The following RGS6 variants were observed in gnomAD, a reference collection of about 807,000 sequenced individuals.
RGS6 encodes regulator of G-protein signaling 6.
RGS6 carries 30 observed loss-of-function variants against 78.5 expected under a neutral mutation model. The observed-to-expected ratio is 0.38, with a 90% CI of 0.29 to 0.52. The LOEUF is 0.52. Among genes scored for constraint, RGS6 ranks in the 20% least tolerant of loss-of-function variants. RGS6 has a pLI of 0.85. For synonymous variants in RGS6, 206 were observed against 206.0 expected, an observed-to-expected ratio of 1.00 and a Z score of 0.00; for missense variants, 495 against 609.7, an observed-to-expected ratio of 0.81 and a Z score of 1.98.
chr14:72,243,791 T>C (rs1378696431), intron 2 of RGS6, among the ~76,000 whole-genome samples: 1 of 152,094 alleles, frequency 6.6e-6, no homozygotes, highest in Non-Finnish European at 1.5e-5. Context: ...CCTGTATCTG[T>C]TGTCACTGAT....
chr14:72,469,664 G>A (rs192292504), intron 7 of RGS6: 3 of 182,770 alleles, frequency 1.6e-5, no homozygotes, highest in East Asian at 3.0e-4. Flanking sequence ...GCAAAGACTC[G>A]TTAATTCCCC....
At position 71,992,439 on chromosome 14, in the gene RGS6, T is replaced by C. The variant is rs1442180859; in HGVS notation, c.84+27564T>C. 3.3e-5 allele frequency among the ~76,000 whole-genome samples: 5 copies of C among 152,342 alleles called. No individual in the cohort carries two copies. In the East Asian group the frequency reaches 9.6e-4, roughly 29 times the overall value. ...GTTGTTTGAGGCCTTACTCTGCGCT[T>C]GCAACATTGCTTCGTTTGTTCTATT... On this transcript the variant is annotated intron_variant, in intron 2 of 17. Coordinates refer to ENST00000553525, the MANE Select transcript of RGS6 (RefSeq NM_001204424.2).
rs148451371 is a variant in RGS6 at position 72,091,731 on chromosome 14, C to T, written c.84+126856C>T. Among the ~76,000 whole-genome samples the T allele has an allele frequency of 3.2e-3, 483 of 152,196 alleles. 4 individuals carry two copies. Among genetic ancestry groups the T allele is most frequent in the East Asian group, 0.012 (64 of 5,160 alleles). ...AGGTGGAGAGTGGAAGGGGCCAAGC[C>T]GGTTCTAAATCGTTTTCTGCAGGCT... On this transcript the variant is annotated intron_variant, in intron 2 of 17. Coordinates refer to ENST00000553525, the MANE Select transcript of RGS6 (RefSeq NM_001204424.2).
intron 10 of RGS6, among the ~76,000 whole-genome samples, chr14:72,476,375 C>T (rs2096243927): frequency 6.6e-6 from 1 of 152,168 alleles, no homozygotes. Context: ...TTTCCAAACC[C>T]ACCCACAAAG....
the RGS6 span, among the ~76,000 whole-genome samples, chr14:72,588,896 G>A: frequency 0.39 from 59,548 of 151,918 alleles, 12,199 homozygotes; most frequent in East Asian, 0.76. Flanking sequence ...TGTCCCAGGT[G>A]CCCCGTCAAG....
intron 15 of RGS6, among the ~76,000 whole-genome samples, chr14:72,527,763 C>T (rs2097136255): frequency 6.6e-6 from 1 of 152,298 alleles, no homozygotes; most frequent in South Asian, 2.1e-4. Flanking sequence ...AGTTCCTTGT[C>T]CATCACCCCA....
intron 2 of RGS6, among the ~76,000 whole-genome samples, chr14:72,243,370 C>T (rs868116109): frequency 6.6e-6 from 1 of 152,136 alleles, no homozygotes; most frequent in Admixed American, 6.5e-5. Context: ...TGTCGCCACC[C>T]TTGATTTGAA....
Position 72,116,690 on chromosome 14 carries a change from G to A in RGS6, c.84+151815G>A, listed in dbSNP as rs545218137. On this transcript the variant is annotated intron_variant, in intron 2 of 17. Transcript: ENST00000553525. ...CTTAAGAATATAAAGTAGGCTGGGT[G>A]CAGTGGCTCATGCCTGTAACCCTAG... Among the ~76,000 whole-genome samples the A allele has an allele frequency of 2.6e-5, 4 of 152,174 alleles. No homozygotes were observed. The South Asian group carries it at 8.3e-4, about 32-fold the overall frequency.
At chr14:71,986,701 A>G (rs148590838) in intron 2 of RGS6, among the ~76,000 whole-genome samples, 21 of 152,240 alleles carry the variant, frequency 1.4e-4, no homozygotes, top group African/African-American at 4.3e-4. Context: ...ACAGAGTGAG[A>G]CCCTGTCTCA....
intron 2 of RGS6, among the ~76,000 whole-genome samples, chr14:72,327,261 G>T (rs2074011505): frequency 6.6e-6 from 1 of 152,018 alleles, no homozygotes. Context: ...GTGACCTAGA[G>T]CAAACTGCAG....
In RGS6 at chr14:72,415,608, A is replaced by G. The variant is rs570002223; in HGVS notation, c.185-38920A>G. Among the ~76,000 whole-genome samples, 8 of 152,268 alleles carry G rather than the reference A, an allele frequency of 5.3e-5. No individual in the cohort carries two copies. The South Asian group carries it at 1.7e-3, about 32-fold the overall frequency. On this transcript the variant is annotated intron_variant, in intron 3 of 17. Coordinates refer to ENST00000553525, the MANE Select transcript of RGS6 (RefSeq NM_001204424.2). ...CCGGTACCTCAGTTGGAAATGCACA[A>G]ATCACCCATCTTCTGCGCTGGTCAT...
chr14:72,334,352 C>T (rs765221), intron 2 of RGS6, among the ~76,000 whole-genome samples: 44,308 of 152,076 alleles, frequency 0.29, 6,634 homozygotes, highest in South Asian at 0.39. Flanking sequence ...TCTCGTTTGA[C>T]GCCTACAAAA....
chr14:72,454,004 ATG>A, intron 3 of RGS6, among the ~76,000 whole-genome samples: 1 of 152,378 alleles, frequency 6.6e-6, no homozygotes, highest in African/African-American at 2.4e-5. Context: ...GAGGCTGGAA[ATG>A]TAATCTAGCT....
At chr14:71,936,621 A>T (rs1005297747) in intron 1 of RGS6, among the ~76,000 whole-genome samples, 2 of 152,226 alleles carry the variant, frequency 1.3e-5, no homozygotes, top group Non-Finnish European at 2.9e-5. Context: ...ACATAATACA[A>T]CTATCCTTTG....
At chr14:72,598,500 A>G in the RGS6 span, among the ~76,000 whole-genome samples, 1 of 152,222 alleles carries the variant, frequency 6.6e-6, no homozygotes, top group African/African-American at 2.4e-5. Flanking sequence ...ATATGCAAAC[A>G]AGGCCTTCCA....
chr14:72,311,198 A>G (rs1306192875), intron 2 of RGS6, among the ~76,000 whole-genome samples: 2 of 152,242 alleles, frequency 1.3e-5, no homozygotes, highest in Non-Finnish European at 2.9e-5. Flanking sequence ...TTGCTTCACA[A>G]AATATTTTAA....
the RGS6 span, among the ~76,000 whole-genome samples, chr14:71,884,524 G>A: frequency 1.4e-4 from 22 of 152,180 alleles, no homozygotes; most frequent in African/African-American, 3.9e-4. Flanking sequence ...TTTTAATTTG[G>A]CAGTGGGCTG....
At chr14:72,526,642 G>A (rs2097124565) in intron 15 of RGS6, among the ~76,000 whole-genome samples, 1 of 145,742 alleles carries the variant, frequency 6.9e-6, no homozygotes, top group Non-Finnish European at 1.5e-5. Context: ...TGGAAACACA[G>A]GGCTCCCATG....
intron 3 of RGS6, among the ~76,000 whole-genome samples, chr14:72,416,102 C>A (rs949138994): frequency 2.0e-5 from 3 of 149,516 alleles, no homozygotes; most frequent in African/African-American, 5.0e-5. Flanking sequence ...GAGCCAAGAT[C>A]GCACTGCACC....
Sources: gnomAD v4.1 joint callset for allele counts (sites outside exome capture counted in the v4.1 genomes callset) on GRCh38, gnomAD v4.1.1 for gene constraint, MANE v1.5 for transcripts, NCBI Gene and HGNC (gene_info 2026-07-23, HGNC 2026-07-21) for gene names.